The following ZNF148 variants were observed in gnomAD, a reference collection of about 807,000 sequenced individuals.
ZNF148 encodes zinc finger protein 148.
ZNF148 carries 7 observed loss-of-function variants against 67.7 expected under a neutral mutation model. The observed-to-expected ratio is 0.10, with a 90% confidence interval of 0.06 to 0.19. The LOEUF is 0.19. Among genes scored for constraint, ZNF148 ranks in the 10% least tolerant of loss-of-function variants. The probability of loss-of-function intolerance (pLI) is 1.00; values close to 1 mark genes in which losing one functional copy is unlikely to be tolerated. For synonymous variants in ZNF148, 333 were observed against 330.7 expected (o/e 1.01, Z -0.08); for missense variants, 583 against 947.1 (o/e 0.62, Z 5.05).
intron 4 of ZNF148, among the ~76,000 whole-genome samples, chr3:125,291,885 T>C (rs1261376912): frequency 1.3e-5 from 2 of 152,104 alleles, no homozygotes; most frequent in South Asian, 4.1e-4. Context: ...TTCCAAAATA[T>C]TGCCTAGGAA....
chr3:125,278,268 T>A (rs1338219126), intron 6 of ZNF148, among the ~76,000 whole-genome samples: 4 of 152,124 alleles, frequency 2.6e-5, no homozygotes, highest in South Asian at 2.1e-4. Context: ...TTTTAAAAGA[T>A]CCTGTCTCTT....
At chr3:125,298,617 A>AT (rs1652512064) in intron 4 of ZNF148, among the ~76,000 whole-genome samples, 1 of 142,256 alleles carries the variant, frequency 7.0e-6, no homozygotes, top group Non-Finnish European at 1.5e-5. Flanking sequence ...ATTTATATTA[A>AT]ATTTTTTTTT....
chr3:125,375,030 C>A (rs1393093427), intron 1 of ZNF148, 72 bp downstream of exon 1: 4 of 151,280 alleles, frequency 2.6e-5, no homozygotes, highest in African/African-American at 9.7e-5. Flanking sequence ...GCCGCGCGCT[C>A]CCCCCGCGCG....
At chr3:125,306,748 T>C (rs1326150269) in intron 4 of ZNF148, among the ~76,000 whole-genome samples, 1 of 151,944 alleles carries the variant, frequency 6.6e-6, no homozygotes, top group African/African-American at 2.4e-5. Context: ...TAGTCCCAAC[T>C]ACTTGGGAAG....
chr3:125,371,379 G>T (rs1359494347), intron 1 of ZNF148, among the ~76,000 whole-genome samples: 22 of 138,922 alleles, frequency 1.6e-4, no homozygotes, highest in African/African-American at 4.2e-4. Flanking sequence ...AAAAGGGGGG[G>T]GGGGGGGCAG....
At chr3:125,257,434 T>C (rs1179298842) in intron 7 of ZNF148, among the ~76,000 whole-genome samples, 2 of 151,916 alleles carry the variant, frequency 1.3e-5, no homozygotes, top group African/African-American at 4.8e-5. Flanking sequence ...CGTGCACCTG[T>C]AGTCCCAGCT....
intron 1 of ZNF148, among the ~76,000 whole-genome samples, chr3:125,372,301 C>T (rs1942916692): frequency 6.6e-6 from 1 of 152,096 alleles, no homozygotes; most frequent in South Asian, 2.1e-4. Context: ...GGCTAAATCC[C>T]TAAAATACAA....
chr3:125,302,705 A>C (rs1939659040), intron 4 of ZNF148, among the ~76,000 whole-genome samples: 2 of 152,228 alleles, frequency 1.3e-5, no homozygotes, highest in African/African-American at 4.8e-5. Flanking sequence ...GTTTTAGAAG[A>C]ACACACAATT....
chr3:125,316,592 G>A (rs1415715056), intron 3 of ZNF148, among the ~76,000 whole-genome samples: 2 of 152,068 alleles, frequency 1.3e-5, no homozygotes, highest in Non-Finnish European at 2.9e-5. Flanking sequence ...TTTTTCTGAT[G>A]ATCAACAATG....
intron 1 of ZNF148, among the ~76,000 whole-genome samples, chr3:125,347,699 A>T (rs1941997369): frequency 6.6e-6 from 1 of 151,144 alleles, no homozygotes; most frequent in Non-Finnish European, 1.5e-5. Context: ...TCCTAATTTT[A>T]TGTATTCTTT....
chr3:125,313,497 T>C lies in ZNF148; in HGVS notation c.144A>G (p.Gln48=). The change falls in exon 4 of 9, where the codon CAA becomes CAG. Residue 48 remains glutamine, a synonymous_variant. Coordinates refer to ENST00000360647, the MANE Select transcript of ZNF148 (RefSeq NM_021964.3). ...TCTCCTGGTGAGGCATACTTCGATC[T>C]TGAAGTACTGAATCCTGTAGCTCTC... ...VSGELQDSVL[Q]DRSMPHQEIL... The C allele has an allele frequency of 1.2e-6, 2 of 1,614,176 alleles. No homozygotes were observed. The highest frequency in any genetic ancestry group is 1.7e-6 in the Non-Finnish European group (2 of 1,180,026).
In ZNF148 at chr3:125,225,921, C is replaced by T. The variant is rs934473973; in HGVS notation, c.*6420G>A. 2.6e-5 allele frequency: 4 copies of T among 152,090 alleles called. No homozygotes were observed. Among genetic ancestry groups the T allele is most frequent in the Non-Finnish European group, 5.9e-5 (4 of 68,038 alleles). The allele number at this position is 152,090 out of a possible 1,614,324, so 9.4% of individuals were successfully genotyped here. A position where few individuals can be genotyped will look rare whatever the true frequency, so the allele number is the denominator to read the frequency against. On this transcript the variant is annotated 3_prime_UTR_variant, in exon 9 of 9. Coordinates refer to ENST00000360647, the MANE Select transcript of ZNF148 (RefSeq NM_021964.3). ...ATTAGTTTAAATTTGTTCCATGGAC[C>T]CAGACTGCACTCCTAACCACAGACA... is the stretch of plus-strand genomic sequence containing the variant.
chr3:125,284,367 T>A (rs1384539095), intron 5 of ZNF148, among the ~76,000 whole-genome samples: 1 of 151,958 alleles, frequency 6.6e-6, no homozygotes, highest in Non-Finnish European at 1.5e-5. Flanking sequence ...AAAAACAGAC[T>A]CAAAGGGGCA....
intron 5 of ZNF148, among the ~76,000 whole-genome samples, chr3:125,282,698 T>C (rs1938455563): frequency 6.6e-6 from 1 of 152,150 alleles, no homozygotes; most frequent in Non-Finnish European, 1.5e-5. Context: ...TTAAGACAAA[T>C]CTATTACCAG....
intron 7 of ZNF148, among the ~76,000 whole-genome samples, chr3:125,249,492 G>A (rs1045639252): frequency 1.6e-4 from 24 of 152,234 alleles, no homozygotes; most frequent in African/African-American, 2.2e-4. Flanking sequence ...CTGTTAGGAT[G>A]GCTATTATCA....
chr3:125,274,688 G>A (rs1937948661), intron 7 of ZNF148, among the ~76,000 whole-genome samples: 1 of 152,216 alleles, frequency 6.6e-6, no homozygotes, highest in Non-Finnish European at 1.5e-5. Context: ...CAAAGGGGCA[G>A]AGAATGGGCT....
chr3:125,371,197 A>G (rs772478479), intron 1 of ZNF148, among the ~76,000 whole-genome samples: 21 of 133,506 alleles, frequency 1.6e-4, no homozygotes, highest in Non-Finnish European at 2.9e-4. Context: ...TATAAAAAAT[A>G]CAAAAAAAGT....
chr3:125,264,233 C>T (rs576043858), intron 7 of ZNF148, among the ~76,000 whole-genome samples: 3 of 152,222 alleles, frequency 2.0e-5, no homozygotes, highest in South Asian at 2.1e-4. Flanking sequence ...ACTCCCTCCC[C>T]CCATGATTTA....
intron 1 of ZNF148, among the ~76,000 whole-genome samples, chr3:125,336,076 G>C (rs1348014575): frequency 6.6e-6 from 1 of 152,132 alleles, no homozygotes; most frequent in African/African-American, 2.4e-5. Context: ...CATAGTTCTT[G>C]GTTAATTAAG....
Sources: allele counts gnomAD v4.1 joint callset (sites outside exome capture counted in the v4.1 genomes callset), GRCh38; gene constraint gnomAD v4.1.1; transcripts MANE v1.5; gene names NCBI Gene and HGNC (gene_info 2026-07-23, HGNC 2026-07-21).